Variants in RBM20 observed in about 807,000 individuals in gnomAD.
RBM20 encodes the protein RNA-binding protein 20.
RBM20 carries 51 observed loss-of-function variants against 110.1 expected under a neutral mutation model. The ratio of observed to expected loss-of-function variants is 0.46; its 90% CI spans 0.37 to 0.59. RBM20 has a LOEUF of 0.59. RBM20 is among the 20% of genes least tolerant of loss of function. The pLI is 0.00. For missense variants in RBM20, 1,512 were observed against 1,574.9 expected (o/e 0.96, Z 0.68); for synonymous variants, 589 against 618.2 (o/e 0.95, Z 0.70).
chr10:110,708,953 C>A (rs902396191), intron 1 of RBM20, among the ~76,000 whole-genome samples: 3 of 152,156 alleles, frequency 2.0e-5, no homozygotes, highest in Admixed American at 6.5e-5. Flanking sequence ...CTGGGCCTGG[C>A]GTCCAATTTC....
chr10:110,740,979 C>T (rs1384590589), intron 1 of RBM20, among the ~76,000 whole-genome samples: 1 of 152,108 alleles, frequency 6.6e-6, no homozygotes, highest in Non-Finnish European at 1.5e-5. Flanking sequence ...TCTACCTTAC[C>T]ATCTGCATTT....
intron 9 of RBM20, among the ~76,000 whole-genome samples, chr10:110,819,342 C>T (rs767298547): frequency 6.6e-6 from 1 of 152,216 alleles, no homozygotes; most frequent in South Asian, 2.1e-4. Flanking sequence ...ATTATGTAAA[C>T]GTGTAAAATT....
chr10:110,836,540 T>A lies in RBM20; in HGVS notation c.*562T>A, dbSNP rs1845133389. 2 of 152,224 alleles carry A rather than the reference T, an allele frequency of 1.3e-5. No individual in the cohort carries two copies. The highest frequency in any genetic ancestry group is 6.5e-5 in the Admixed American group (1 of 15,284). 9.4% of individuals were successfully genotyped at this position (152,224 alleles called of 1,614,324 possible). Reference sequence around the variant, plus strand: ...GTGAGGGGACATCACGGACAATCTGTTGGCAGAGCTGGGAGGGTCTTCATT... The same window carrying A: ...GTGAGGGGACATCACGGACAATCTGATGGCAGAGCTGGGAGGGTCTTCATT... On this transcript the variant is annotated 3_prime_UTR_variant, in exon 14 of 14. Coordinates refer to ENST00000369519, the MANE Select transcript of RBM20 (RefSeq NM_001134363.3).
chr10:110,798,550 A>G (rs1308887203), intron 6 of RBM20, among the ~76,000 whole-genome samples: 2 of 152,236 alleles, frequency 1.3e-5, no homozygotes, highest in Admixed American at 6.5e-5. Flanking sequence ...AGTGAGAGCT[A>G]GAGGTGCTAA....
intron 9 of RBM20, 82 bp from the exon 10 acceptor site, chr10:110,819,990 C>G: frequency 7.2e-6 from 6 of 831,822 alleles, no homozygotes; most frequent in Non-Finnish European, 1.9e-6. Flanking sequence ...GAGCTGGGAC[C>G]TGCATTCAAT....
intron 1 of RBM20, among the ~76,000 whole-genome samples, chr10:110,764,061 G>A (rs183082895): frequency 2.0e-5 from 3 of 152,200 alleles, no homozygotes; most frequent in African/African-American, 7.2e-5. Context: ...CTCCTGAAAG[G>A]TATTGCAGTT....
chr10:110,727,686 A>G (rs1026834282), intron 1 of RBM20, among the ~76,000 whole-genome samples: 1 of 152,062 alleles, frequency 6.6e-6, no homozygotes, highest in Admixed American at 6.5e-5. Flanking sequence ...CTGAACGTGC[A>G]GGTTTGTTAC....
intron 1 of RBM20, among the ~76,000 whole-genome samples, chr10:110,673,604 T>C (rs1862291884): frequency 6.6e-6 from 1 of 152,224 alleles, no homozygotes; most frequent in Non-Finnish European, 1.5e-5. Flanking sequence ...CACCAGGAAT[T>C]ATGAGAATAC....
At chr10:110,809,451 A>T (rs1279994044) in intron 7 of RBM20, among the ~76,000 whole-genome samples, 5 of 152,122 alleles carry the variant, frequency 3.3e-5, no homozygotes, top group Non-Finnish European at 7.4e-5. Flanking sequence ...GTCTTCAGGA[A>T]GATGCTCCTG....
chr10:110,767,187 G>A (rs1844106892), intron 1 of RBM20, among the ~76,000 whole-genome samples: 1 of 130,898 alleles, frequency 7.6e-6, no homozygotes, highest in Non-Finnish European at 1.7e-5. Flanking sequence ...CTCCCTCCCA[G>A]ACGGGGCGGC....
intron 1 of RBM20, among the ~76,000 whole-genome samples, chr10:110,740,456 G>A (rs983686687): frequency 2.0e-5 from 3 of 152,160 alleles, no homozygotes. Context: ...GGGAAGAGAA[G>A]CTTGCCCAAG....
intron 1 of RBM20, among the ~76,000 whole-genome samples, chr10:110,757,734 AGAG>A (rs1843939296): frequency 6.6e-6 from 1 of 152,230 alleles, no homozygotes; most frequent in African/African-American, 2.4e-5. Flanking sequence ...TGGTGTTCCT[AGAG>A]GAGAATTAGA....
intron 11 of RBM20, chr10:110,822,384 A>G (rs775369310): frequency 3.7e-5 from 17 of 458,884 alleles, no homozygotes; most frequent in African/African-American, 2.8e-4. Context: ...CTTAAAGGGT[A>G]CAGCTGTTCC....
intron 13 of RBM20, among the ~76,000 whole-genome samples, chr10:110,833,390 G>GGAAAAAAAAAAAAAAA (rs1272026300): frequency 1.6e-5 from 1 of 62,202 alleles, no homozygotes; most frequent in African/African-American, 5.9e-5. Flanking sequence ...CTCTGTCTCA[G>GGAAAAAAAAAAAAAAA]AAAAAAAAAA....
Position 110,835,888 on chromosome 10 carries a change from C to CGAGGAGGGCCT in RBM20, c.3595_3605dup (p.Lys1203ArgfsTer49), listed in dbSNP as rs1279764698. 6.5e-7 allele frequency: 1 copy of CGAGGAGGGCCT among 1,549,960 alleles called. No homozygotes were observed. The highest frequency in any genetic ancestry group is 1.4e-5 in the African/African-American group (1 of 72,986). On this transcript the variant is annotated frameshift_variant, in exon 14 of 14. Coordinates refer to ENST00000369519, the MANE Select transcript of RBM20 (RefSeq NM_001134363.3). LOFTEE classifies it high-confidence loss of function. ...CACAGAAATATTTGTCCCAGCTGGC[C>CGAGGAGGGCCT]GAGGAGGGCCTCAAGGAGACCGAGG...
intron 1 of RBM20, among the ~76,000 whole-genome samples, chr10:110,649,485 TAAAACCC>T (rs1329952039): frequency 6.6e-6 from 1 of 152,168 alleles, no homozygotes; most frequent in East Asian, 1.9e-4. Flanking sequence ...ATACTGGAGT[TAAAACCC>T]AAAAGAGAAG....
intron 1 of RBM20, among the ~76,000 whole-genome samples, chr10:110,651,625 A>G (rs1358099727): frequency 1.3e-5 from 2 of 152,214 alleles, no homozygotes; most frequent in African/African-American, 4.8e-5. Context: ...AGAGTCAGAG[A>G]ATGTAAACAT....
chr10:110,656,146 C>T (rs1047997047), intron 1 of RBM20, among the ~76,000 whole-genome samples: 11 of 151,940 alleles, frequency 7.2e-5, no homozygotes, highest in African/African-American at 2.4e-4. Context: ...ACTAAAAATA[C>T]AAAAAATTTG....
intron 1 of RBM20, among the ~76,000 whole-genome samples, chr10:110,729,052 C>T (rs901166124): frequency 5.9e-5 from 9 of 151,984 alleles, no homozygotes; most frequent in Non-Finnish European, 8.8e-5. Context: ...TACTGTTCGC[C>T]GAGACAGAAT....
Sources: gnomAD v4.1 joint callset for allele counts (sites outside exome capture counted in the v4.1 genomes callset) on GRCh38, gnomAD v4.1.1 for gene constraint, MANE v1.5 for transcripts, NCBI Gene and HGNC (gene_info 2026-07-23, HGNC 2026-07-21) for gene names.